LILRB4: variants seen among roughly 807,000 people sequenced by gnomAD.
LILRB4 encodes leukocyte immunoglobulin like receptor B4.
Under a neutral mutation model 55.2 loss-of-function variants are expected in LILRB4, and 49 were observed. The observed-to-expected ratio is 0.89, with a 90% CI of 0.71 to 1.13. LILRB4 has a LOEUF of 1.13. LILRB4 is among the 50% of genes most tolerant of loss of function. The pLI, the probability that LILRB4 is intolerant of heterozygous loss-of-function variation, is 0.00. For synonymous variants in LILRB4, 229 were observed against 213.8 expected, an observed-to-expected ratio of 1.07 and a Z score of -0.62; for missense variants, 590 against 555.2, an observed-to-expected ratio of 1.06 and a Z score of -0.63.
At chr19:54,663,835 G>C (rs1371734296) in exon 3 of LILRB4, 1 of 1,614,164 alleles carries the variant, frequency 6.2e-7, no homozygotes, top group Non-Finnish European at 8.5e-7. Flanking sequence ...TGGTGTCAGG[G>C]GACCCTGGAG....
In LILRB4 at chr19:54,665,594, C is replaced by T. The variant is rs571502980; in HGVS notation, c.758-221C>T. Among the ~76,000 whole-genome samples, 12 of 152,226 alleles carry T rather than the reference C, an allele frequency of 7.9e-5. No individual in the cohort carries two copies. Among genetic ancestry groups the T allele is most frequent in the South Asian group, 6.2e-4 (3 of 4,818 alleles). On this transcript the variant is annotated intron_variant, in intron 6 of 11. Coordinates refer to ENST00000430952, the Ensembl canonical transcript of LILRB4. The surrounding 1 kb of genome is among the most constrained non-coding windows in gnomAD (Gnocchi z 5.5). Reference sequence around the variant, plus strand: ...TCCCGGGTTTCCTTCCCAGCTCTGCCGCTTCCTGGCTGGAGGGGTCTGGGG... The same window carrying T: ...TCCCGGGTTTCCTTCCCAGCTCTGCTGCTTCCTGGCTGGAGGGGTCTGGGG...
At chr19:54,664,896 C>CA in intron 5 of LILRB4, 47 bp downstream of exon 5, 2 of 1,558,022 alleles carry the variant, frequency 1.3e-6, no homozygotes, top group African/African-American at 2.7e-5. Context: ...AGCCCGAGGC[C>CA]TGTCTCAAGA....
At chr19:54,664,821 C>T in exon 5 of LILRB4, 2 of 1,607,776 alleles carry the variant, frequency 1.2e-6, no homozygotes, top group Non-Finnish European at 1.7e-6. Context: ...GTCCCAGGCC[C>T]TCACCCACAA....
rs112564770 is a variant in LILRB4, at chr19:54,667,180, A to T, written c.1041+431A>T. 1,907 of 551,892 alleles carry T rather than the reference A, an allele frequency of 3.5e-3. 16 individuals are homozygous for T. Among genetic ancestry groups the T allele is most frequent in the African/African-American group, 0.032 (1,681 of 53,202 alleles). The allele number at this position is 551,892 out of a possible 1,614,324, so 34.2% of individuals were successfully genotyped here. A position where few individuals can be genotyped will look rare whatever the true frequency, so the allele number is the denominator to read the frequency against. On this transcript the variant is annotated intron_variant, in intron 10 of 11. Coordinates refer to ENST00000430952, the Ensembl canonical transcript of LILRB4. ...AGCTCACCTCGTGGTGGGAGACAAAATGCAAATAAATGCATCGTGTCCAGG... is the reference window on the plus strand; with the variant it reads ...AGCTCACCTCGTGGTGGGAGACAAATTGCAAATAAATGCATCGTGTCCAGG...
chr19:54,665,834 G>A lies in LILRB4; in HGVS notation c.777G>A (p.Glu259=). 7 of 1,610,970 alleles carry A rather than the reference G, an allele frequency of 4.3e-6. No individual in the cohort carries two copies. Among genetic ancestry groups the A allele is most frequent in the Non-Finnish European group, 5.9e-6 (7 of 1,178,668 alleles). Residue 259 remains glutamate, a synonymous_variant, in exon 7 of 12, where the codon GAG becomes GAA. Transcript: ENST00000430952. The surrounding 1 kb of genome is among the most constrained non-coding windows in gnomAD (Gnocchi z 5.5). Reference sequence around the variant, plus strand: ...CCCAAGGTCTGAGAAGGCACTGGGAGGTACTGATCGGGGTCTTGGTGGTCT... The same window carrying A: ...CCCAAGGTCTGAGAAGGCACTGGGAAGTACTGATCGGGGTCTTGGTGGTCT...
intron 5 of LILRB4, 137 bp downstream of exon 5, chr19:54,664,986 G>A: frequency 7.4e-7 from 1 of 1,352,934 alleles, no homozygotes; most frequent in Non-Finnish European, 1.0e-6. Flanking sequence ...GCAGCGACTT[G>A]GGAGGCACCA....
chr19:54,668,310 C>A (rs1308795951), exon 12 of LILRB4: 6 of 359,336 alleles, frequency 1.7e-5, no homozygotes, highest in African/African-American at 8.3e-5. Flanking sequence ...ACACATCAAA[C>A]CAATGACATG....
In LILRB4 at chr19:54,666,473, G is replaced by C; in HGVS notation, c.988+37G>C. The C allele has an allele frequency of 6.2e-7, 1 of 1,611,142 alleles. No individual in the cohort carries two copies. Among genetic ancestry groups the C allele is most frequent in the Non-Finnish European group, 8.5e-7 (1 of 1,178,052 alleles). ...GCAGAGAAGGTGCACCTGGGGTGGA[G>C]CTGGGGGTCCCAAAATTTCAATAGC... On this transcript the variant is annotated intron_variant, in intron 9 of 11. Transcript: ENST00000430952. This position sits in a 1 kb window ranked among gnomAD's most constrained non-coding sequence, Gnocchi z 4.8.
At chr19:54,664,094 G>C (rs1292376796) in intron 3 of LILRB4, 56 bp downstream of exon 3, 1 of 1,601,626 alleles carries the variant, frequency 6.2e-7, no homozygotes, top group Non-Finnish European at 8.5e-7. Flanking sequence ...AAGGGGGTCA[G>C]CTCTCAGGGG....
At chr19:54,667,490 C>T (rs555447982) in intron 10 of LILRB4, 145 bp from the exon 11 acceptor site, 18 of 1,433,086 alleles carry the variant, frequency 1.3e-5, no homozygotes, top group East Asian at 2.5e-5. Flanking sequence ...AGGGAGGGAG[C>T]GGCCAGACCC....
Position 54,665,074 on chromosome 19 carries a change from C to T in LILRB4, c.707-56C>T, listed in dbSNP as rs541215849. The T allele has an allele frequency of 2.6e-5, 41 of 1,598,068 alleles. No individual in the cohort carries two copies. Among genetic ancestry groups the T allele is most frequent in the Admixed American group, 1.2e-4 (7 of 59,626 alleles). On this transcript the variant is annotated intron_variant, in intron 5 of 11. Transcript: ENST00000430952. This position sits in a 1 kb window ranked among gnomAD's most constrained non-coding sequence, Gnocchi z 5.5. ...TGAAGGAGATGTTGCGGGGAGAAGC[C>T]GAGCTGATGTGGGGAGCAGGGCAGC... is the stretch of plus-strand genomic sequence containing the variant.
Position 54,663,067 on chromosome 19 carries a change from G to C in LILRB4, c.34G>C (p.Gly12Arg), listed in dbSNP as rs147307497. ...CACCTTCACGGCTCTGCTCTGCCTC[G>C]GTGAGATTTAAAGAGGGGGAGGGGA... Residue 12 changes from glycine to arginine, a missense_variant and splice_region_variant, in exon 1 of 12, where the codon GGG (glycine) becomes CGG (arginine). Transcript: ENST00000430952. 2,592 of 1,612,748 alleles carry C rather than the reference G, an allele frequency of 1.6e-3. 16 individuals carry two copies. Among genetic ancestry groups the C allele is most frequent in the African/African-American group, 0.015 (1,132 of 74,930 alleles).
chr19:54,663,892 A>T (rs2065134333), exon 3 of LILRB4: 2 of 1,614,144 alleles, frequency 1.2e-6, no homozygotes, highest in Non-Finnish European at 1.7e-6. Flanking sequence ...GCACCCTGGG[A>T]CAGACAGAAC....
intron 2 of LILRB4, 69 bp downstream of exon 2, chr19:54,663,636 G>C: frequency 6.2e-7 from 1 of 1,611,978 alleles, no homozygotes; most frequent in South Asian, 1.1e-5. Flanking sequence ...ATGGGCAGCT[G>C]GGGGAGGAGA....
rs1000011440 is a variant in LILRB4 at position 54,666,038 on chromosome 19, A to G, written c.874+107A>G. The G allele has an allele frequency of 2.1e-6, 3 of 1,443,044 alleles. No individual in the cohort carries two copies. The African/African-American group carries it at 4.3e-5, about 21-fold the overall frequency. 89.4% of individuals were successfully genotyped at this position (1,443,044 alleles called of 1,614,324 possible). Reference sequence around the variant, plus strand: ...TCATCTTAGAAACTCTGCTCCAGAAATTCCCAGTGAGAAAATCTAGAAAGA... The same window carrying G: ...TCATCTTAGAAACTCTGCTCCAGAAGTTCCCAGTGAGAAAATCTAGAAAGA... On this transcript the variant is annotated intron_variant, in intron 7 of 11. Coordinates refer to ENST00000430952, the Ensembl canonical transcript of LILRB4. This position sits in a 1 kb window ranked among gnomAD's most constrained non-coding sequence, Gnocchi z 4.8.
rs749486903 is a variant in LILRB4 at position 54,666,301 on chromosome 19, G to A, written c.936G>A (p.Gly312=). ...CTGCCGAGCCAGAGCCCAAGGACGG[G>A]GGCCTACAGAGGAGGTAATTCTGCC... Residue 312 remains glycine (G), a synonymous_variant, in exon 8 of 12, where the codon GGG becomes GGA. Coordinates refer to ENST00000430952, the Ensembl canonical transcript of LILRB4. The surrounding 1 kb of genome is among the most constrained non-coding windows in gnomAD (Gnocchi z 4.8). 6.8e-6 allele frequency: 11 copies of A among 1,610,244 alleles called. No individual in the cohort carries two copies. Among genetic ancestry groups the A allele is most frequent in the African/African-American group, 5.3e-5 (4 of 74,792 alleles).
exon 11 of LILRB4, chr19:54,667,728 C>A: frequency 1.9e-6 from 3 of 1,611,524 alleles, no homozygotes; most frequent in Non-Finnish European, 2.5e-6. Context: ...TCCCTCCCCA[C>A]TGTCTGGGGA....
At chr19:54,663,338 C>G (rs1327956812) in intron 1 of LILRB4, among the ~76,000 whole-genome samples, 194 bp from the exon 2 acceptor site, 1 of 147,678 alleles carries the variant, frequency 6.8e-6, no homozygotes, top group Non-Finnish European at 1.5e-5. Context: ...CCCAGCCACT[C>G]GGGAGGCTGA....
At chr19:54,664,103 G>T in intron 3 of LILRB4, 65 bp downstream of exon 3, 4 of 1,600,106 alleles carry the variant, frequency 2.5e-6, no homozygotes, top group Non-Finnish European at 3.4e-6. Flanking sequence ...AGCTCTCAGG[G>T]GCATCTCCCT....
Sources: allele counts gnomAD v4.1 joint callset (sites outside exome capture counted in the v4.1 genomes callset), GRCh38; gene constraint gnomAD v4.1.1; non-coding constraint Gnocchi (gnomAD v3.1); transcripts MANE v1.5; gene names NCBI Gene and HGNC (gene_info 2026-07-23, HGNC 2026-07-21).